Variants in RALGAPA2 observed in about 807,000 individuals in gnomAD.
The protein encoded by RALGAPA2 is ral GTPase-activating protein subunit alpha-2.
RALGAPA2 carries 139 observed loss-of-function variants against 230.4 expected under a neutral mutation model. That is an observed-to-expected ratio of 0.60 (90% CI 0.53 to 0.69). RALGAPA2 has a LOEUF of 0.69. Ranked by LOEUF, RALGAPA2 falls within the 30% of genes least tolerant of loss-of-function variation. RALGAPA2 has a pLI of 0.00. For missense variants in RALGAPA2, 2,163 were observed against 2,276.0 expected (o/e 0.95, Z 1.01); for synonymous variants, 847 against 837.8 (o/e 1.01, Z -0.19).
rs2063029192 is a variant in RALGAPA2 at position 20,521,172 on chromosome 20, T to C, written c.3901-72A>G. The C allele has an allele frequency of 7.5e-6, 10 of 1,336,614 alleles. No individual in the cohort carries two copies. The South Asian group carries it at 1.4e-4, about 19-fold the overall frequency. 82.8% of individuals were successfully genotyped at this position (1,336,614 alleles called of 1,614,324 possible). On this transcript the variant is annotated intron_variant, in intron 30 of 39. Transcript: ENST00000202677. ...GTCCCCTGACAATCTGTCAAACTAC[T>C]GCAGCACTTGGCAGCTAGGACTCCT...
At chr20:20,605,909 T>A (rs976736768) in intron 14 of RALGAPA2, among the ~76,000 whole-genome samples, 4 of 152,058 alleles carry the variant, frequency 2.6e-5, no homozygotes, top group African/African-American at 9.7e-5. Flanking sequence ...TTCACCCAGC[T>A]CCACCTCCAC....
Position 20,712,468 on chromosome 20 carries a change from T to G in RALGAPA2, c.13A>C (p.Arg5=), listed in dbSNP as rs1450646418. The G allele has an allele frequency of 6.5e-7, 1 of 1,549,376 alleles. No homozygotes were observed. The highest frequency in any genetic ancestry group is 2.5e-5 in the East Asian group (1 of 40,374). ...GACTTCTTCACATCCCCGTGGCTCC[T>G]TCGGGAGAACATCCCGCGGCAGGAA... MFSR[R]SHGDVKKSTQ... is the part of the protein sequence containing the mutation. The change falls in exon 1 of 40, where the codon AGG becomes CGG. Residue 5 remains arginine (R), a synonymous_variant. Coordinates refer to ENST00000202677, the MANE Select transcript of RALGAPA2 (RefSeq NM_020343.4). The surrounding 1 kb of genome is among the most constrained non-coding windows in gnomAD (Gnocchi z 5.5).
chr20:20,483,551 A>C (rs1375181325), intron 36 of RALGAPA2, among the ~76,000 whole-genome samples: 1 of 152,062 alleles, frequency 6.6e-6, no homozygotes, highest in Non-Finnish European at 1.5e-5. Context: ...ACCATCCATC[A>C]AGGCTCAATC....
rs767839271 is a variant in RALGAPA2, at chr20:20,601,761, C to G, written c.2124G>C (p.Pro708=). 6.2e-7 allele frequency: 1 copy of G among 1,613,870 alleles called. No individual in the cohort carries two copies. The highest frequency in any genetic ancestry group is 1.7e-5 in the Admixed American group (1 of 60,028). Residue 708 remains proline, a synonymous_variant, in exon 16 of 40, where the codon CCG becomes CCC. Transcript: ENST00000202677. ...SWRSHPDVTE[P]MRFRSATTSG... ...ACGTGGTGGCACTCCTAAATCGCAT[C>G]GGTTCGGTCACATCTGGGTGGCTCC...
intron 5 of RALGAPA2, among the ~76,000 whole-genome samples, chr20:20,642,542 A>C (rs1353790806): frequency 6.6e-6 from 1 of 152,312 alleles, no homozygotes; most frequent in East Asian, 1.9e-4. Context: ...AATTATATTT[A>C]ATTGAACAAG....
intron 7 of RALGAPA2, among the ~76,000 whole-genome samples, chr20:20,638,387 G>A (rs938922225): frequency 3.3e-5 from 5 of 152,194 alleles, no homozygotes; most frequent in Non-Finnish European, 5.9e-5. Context: ...TTTGGCTACC[G>A]CAGGGGCAGC....
chr20:20,572,121 G>T (rs1036370071), intron 21 of RALGAPA2, among the ~76,000 whole-genome samples, 175 bp from the exon 22 acceptor site: 2 of 151,932 alleles, frequency 1.3e-5, no homozygotes, highest in Admixed American at 6.6e-5. Context: ...TACATGTTTG[G>T]CTTACTGTAT....
Position 20,423,486 on chromosome 20 carries a change from C to T in RALGAPA2, c.5496-11338G>A, listed in dbSNP as rs531320989. Among the ~76,000 whole-genome samples the T allele has an allele frequency of 2.0e-5, 3 of 152,304 alleles. No individual in the cohort carries two copies. In the South Asian group the frequency reaches 6.2e-4, roughly 32 times the overall value. On this transcript the variant is annotated intron_variant, in intron 37 of 39. Transcript: ENST00000202677. ...AGGGAGAAGCATCTGGAAGGAGGAG[C>T]AGCAGGGTTCCTGCAGAGCCTCAGC...
intron 24 of RALGAPA2, among the ~76,000 whole-genome samples, chr20:20,543,956 C>T (rs896526479): frequency 6.6e-6 from 1 of 151,028 alleles, no homozygotes. Context: ...AACAAACAAA[C>T]AAACAACCCC....
At chr20:20,462,683 T>C (rs2061330205) in intron 37 of RALGAPA2, among the ~76,000 whole-genome samples, 1 of 152,166 alleles carries the variant, frequency 6.6e-6, no homozygotes, top group African/African-American at 2.4e-5. Flanking sequence ...CTGCTTTCAT[T>C]AAAAAATTTA....
intron 1 of RALGAPA2, among the ~76,000 whole-genome samples, 155 bp from the exon 2 acceptor site, chr20:20,680,956 C>A (rs961862799): frequency 1.3e-5 from 2 of 152,198 alleles, no homozygotes; most frequent in African/African-American, 4.8e-5. Context: ...TTATTCTCCA[C>A]CTAAGAGAGT....
In RALGAPA2 at chr20:20,526,341, G is replaced by C. The variant is rs766208787; in HGVS notation, c.3604C>G (p.Gln1202Glu). 5 of 1,600,144 alleles carry C rather than the reference G, an allele frequency of 3.1e-6. No homozygotes were observed. In the South Asian group the frequency reaches 5.7e-5, roughly 18 times the overall value. ...TLKFPNKIVA[Q>E]VACDVLQLLV... The stretch of plus-strand genomic sequence containing the variant: ...AACTGAAGGACATCGCAAGCTACCT[G>C]GGCCACGATTTTGTTGGGAAACTAT... Residue 1202 changes from glutamine (Q) to glutamate (E), a missense_variant, in exon 28 of 40, where the codon CAG becomes GAG. Coordinates refer to ENST00000202677, the MANE Select transcript of RALGAPA2 (RefSeq NM_020343.4).
intron 3 of RALGAPA2, among the ~76,000 whole-genome samples, chr20:20,655,595 G>C (rs2067560641): frequency 6.6e-6 from 1 of 152,154 alleles, no homozygotes; most frequent in Non-Finnish European, 1.5e-5. Flanking sequence ...AGTGAGAAGG[G>C]GAGGAGATGG....
intron 37 of RALGAPA2, among the ~76,000 whole-genome samples, chr20:20,443,964 T>C (rs2060802658): frequency 6.6e-6 from 1 of 152,256 alleles, no homozygotes; most frequent in Non-Finnish European, 1.5e-5. Context: ...GGGCAGCAGC[T>C]CCCATTCCTG....
Position 20,639,874 on chromosome 20 carries a change from G to C in RALGAPA2, c.577C>G (p.Pro193Ala). The C allele has an allele frequency of 6.2e-7, 1 of 1,613,168 alleles. No individual in the cohort carries two copies. The highest frequency in any genetic ancestry group is 8.5e-7 in the Non-Finnish European group (1 of 1,179,140). ...DVKIYPEEITPLLPAISGEKI... is the reference protein window; with the variant it reads ...DVKIYPEEITALLPAISGEKI... ...TCCCCTGATATGGCTGGTAGGAGTG[G>C]AGTGATTTCTTCTGGATATATCTTT... Residue 193 changes from proline (P) to alanine (A), a missense_variant, in exon 7 of 40, where the codon CCA becomes GCA. Transcript: ENST00000202677.
intron 39 of RALGAPA2, among the ~76,000 whole-genome samples, chr20:20,393,753 G>C (rs2059646491): frequency 6.6e-6 from 1 of 152,188 alleles, no homozygotes; most frequent in South Asian, 2.1e-4. Context: ...GTCCTAAATT[G>C]CTTGTCTGAA....
intron 35 of RALGAPA2, 127 bp from the exon 36 acceptor site, chr20:20,495,402 A>G (rs2062177109): frequency 1.4e-6 from 1 of 694,242 alleles, no homozygotes. Context: ...AGGCTACAAC[A>G]TTGATGTTCT....
At chr20:20,436,254 C>T (rs747364523) in intron 37 of RALGAPA2, among the ~76,000 whole-genome samples, 7 of 152,252 alleles carry the variant, frequency 4.6e-5, no homozygotes, top group Non-Finnish European at 8.8e-5. Flanking sequence ...TAAAACCCCA[C>T]GAAGAAACCA....
At chr20:20,514,881 G>A (rs916488220) in intron 31 of RALGAPA2, among the ~76,000 whole-genome samples, 9 of 152,216 alleles carry the variant, frequency 5.9e-5, no homozygotes, top group South Asian at 2.1e-4. Context: ...CTGATCAGGA[G>A]TTTAGGTGCC....
Sources: gnomAD v4.1 joint callset for allele counts (sites outside exome capture counted in the v4.1 genomes callset) on GRCh38, gnomAD v4.1.1 for gene constraint, Gnocchi (gnomAD v3.1) non-coding constraint, MANE v1.5 for transcripts, NCBI Gene and HGNC (gene_info 2026-07-23, HGNC 2026-07-21) for gene names.